Variants in RUNX1T1 observed in about 807,000 individuals in gnomAD.
The protein encoded by RUNX1T1 is RUNX1 partner transcriptional co-repressor 1.
A neutral mutation model predicts 62.8 loss-of-function variants in RUNX1T1; 4 were observed. The observed-to-expected ratio is 0.06, with a 90% confidence interval of 0.03 to 0.15. The LOEUF is 0.15. Among genes scored for constraint, RUNX1T1 ranks in the 10% least tolerant of loss-of-function variants. The pLI is 1.00. For missense variants in RUNX1T1, 508 were observed against 754.3 expected (o/e 0.67, Z 3.82); for synonymous variants, 291 against 286.0 (o/e 1.02, Z -0.18).
At chr8:92,048,219 G>T (rs1172856290) in intron 1 of RUNX1T1, among the ~76,000 whole-genome samples, 1 of 152,092 alleles carries the variant, frequency 6.6e-6, no homozygotes, top group Non-Finnish European at 1.5e-5. Flanking sequence ...GACGTTTAAG[G>T]ACTTCTAGTT....
chr8:91,955,881 G>C (rs902517080), downstream of RUNX1T1: 7 of 228,694 alleles, frequency 3.1e-5, no homozygotes, highest in Non-Finnish European at 6.1e-5. Flanking sequence ...TGTAACTAGA[G>C]AATGAAAAAA....
At chr8:92,054,249 G>A (rs1830671057) in intron 1 of RUNX1T1, among the ~76,000 whole-genome samples, 1 of 152,036 alleles carries the variant, frequency 6.6e-6, no homozygotes, top group East Asian at 1.9e-4. Flanking sequence ...TGTGTAAAAG[G>A]GTGGCACACT....
intron 1 of RUNX1T1, among the ~76,000 whole-genome samples, chr8:92,019,913 A>C (rs775290757): frequency 6.6e-6 from 1 of 152,222 alleles, no homozygotes; most frequent in Non-Finnish European, 1.5e-5. Context: ...AAATGTCAAC[A>C]ATAACTACAG....
At chr8:92,021,706 T>C (rs1013973813) in intron 1 of RUNX1T1, among the ~76,000 whole-genome samples, 8 of 151,992 alleles carry the variant, frequency 5.3e-5, no homozygotes, top group Non-Finnish European at 1.0e-4. Flanking sequence ...TGTGGTGAAA[T>C]TGAATGAGAT....
upstream of RUNX1T1, among the ~76,000 whole-genome samples, chr8:92,100,947 C>T (rs1340662821): frequency 6.6e-6 from 1 of 152,180 alleles, no homozygotes; most frequent in African/African-American, 2.4e-5. Context: ...ACAGAATACT[C>T]ACATGGTCAA....
intron 1 of RUNX1T1, among the ~76,000 whole-genome samples, chr8:92,079,607 G>C (rs1563917011): frequency 6.6e-6 from 1 of 152,158 alleles, no homozygotes; most frequent in Non-Finnish European, 1.5e-5. Context: ...GCTTCCTTAA[G>C]CTTCCATGCA....
chr8:91,973,793 T>G (rs1197151927), intron 9 of RUNX1T1, among the ~76,000 whole-genome samples: 2 of 152,072 alleles, frequency 1.3e-5, no homozygotes, highest in Non-Finnish European at 2.9e-5. Flanking sequence ...TTATAAGTAG[T>G]TACTGGAGAT....
chr8:92,048,931 G>C (rs990153160), intron 1 of RUNX1T1, among the ~76,000 whole-genome samples: 1 of 152,154 alleles, frequency 6.6e-6, no homozygotes, highest in Non-Finnish European at 1.5e-5. Context: ...TAGCGCCTAA[G>C]CCAAACAAAT....
chr8:91,980,191 A>G (rs1814911501), intron 8 of RUNX1T1, among the ~76,000 whole-genome samples: 1 of 152,222 alleles, frequency 6.6e-6, no homozygotes, highest in Admixed American at 6.5e-5. Context: ...AAAGATGGAC[A>G]TATTTAACTA....
intron 5 of RUNX1T1, among the ~76,000 whole-genome samples, chr8:92,000,439 A>G (rs761918374): frequency 6.6e-6 from 1 of 152,210 alleles, no homozygotes; most frequent in African/African-American, 2.4e-5. Context: ...CACAAACTAG[A>G]ATAAATAAAT....
intron 8 of RUNX1T1, chr8:91,977,003 T>G (rs1814113139): frequency 5.2e-6 from 1 of 191,234 alleles, no homozygotes; most frequent in Non-Finnish European, 1.1e-5. Flanking sequence ...CTAATGGTTA[T>G]GTTGAAGATG....
downstream of RUNX1T1, chr8:91,958,914 CT>C: frequency 5.3e-6 from 1 of 189,630 alleles, no homozygotes. Context: ...AGCTTTTCTT[CT>C]TTTCTTTTCT....
intron 1 of RUNX1T1, chr8:92,081,334 GAAAT>G (rs1436546030): frequency 1.5e-6 from 1 of 652,712 alleles, no homozygotes; most frequent in Non-Finnish European, 1.9e-6. Context: ...AATTAAATAT[GAAAT>G]AAATGAAAGC....
At chr8:92,062,281 T>A (rs1435683903) in intron 1 of RUNX1T1, among the ~76,000 whole-genome samples, 1 of 152,100 alleles carries the variant, frequency 6.6e-6, no homozygotes, top group African/African-American at 2.4e-5. Context: ...CCGACAAACA[T>A]CCGTGGCTGT....
At chr8:91,980,917 T>A (rs1815085932) in intron 8 of RUNX1T1, among the ~76,000 whole-genome samples, 1 of 151,908 alleles carries the variant, frequency 6.6e-6, no homozygotes, top group African/African-American at 2.4e-5. Context: ...AGGGATCCTC[T>A]CACCTCAGCC....
chr8:92,062,439 A>G, intron 1 of RUNX1T1: 2 of 1,245,660 alleles, frequency 1.6e-6, no homozygotes, highest in Non-Finnish European at 2.4e-6. Flanking sequence ...CTTCCTGCCC[A>G]CATCAGATAC....
chr8:92,070,320 T>A (rs981754628), intron 2 of RUNX1T1, among the ~76,000 whole-genome samples: 1 of 152,192 alleles, frequency 6.6e-6, no homozygotes, highest in Admixed American at 6.5e-5. Flanking sequence ...GAACACTAGT[T>A]AGGAATATTG....
chr8:92,102,210 G>A (rs1274322806), upstream of RUNX1T1, among the ~76,000 whole-genome samples: 1 of 152,124 alleles, frequency 6.6e-6, no homozygotes, highest in African/African-American at 2.4e-5. The surrounding 1 kb of genome is among the most constrained non-coding windows in gnomAD (Gnocchi z 4.5). Context: ...CCGTCCGCCC[G>A]CTCACCCAGG....
At chr8:92,036,011 A>C (rs1563814107) in intron 1 of RUNX1T1, among the ~76,000 whole-genome samples, 1 of 152,210 alleles carries the variant, frequency 6.6e-6, no homozygotes, top group Non-Finnish European at 1.5e-5. Flanking sequence ...GTAAGTTCTT[A>C]ATGTAGCCTC....
Sources: gnomAD v4.1 joint callset for allele counts (sites outside exome capture counted in the v4.1 genomes callset) on GRCh38, gnomAD v4.1.1 for gene constraint, Gnocchi (gnomAD v3.1) non-coding constraint, MANE v1.5 for transcripts, NCBI Gene and HGNC (gene_info 2026-07-23, HGNC 2026-07-21) for gene names.